The following MEGF11 variants were observed in gnomAD, a reference collection of about 807,000 sequenced individuals.
MEGF11 encodes multiple epidermal growth factor-like domains protein 11.
MEGF11 carries 126 observed loss-of-function variants against 146.6 expected under a neutral mutation model. That is an observed-to-expected ratio of 0.86 (90% CI 0.74 to 1.00). MEGF11 has a LOEUF of 1.00. MEGF11 is among the 50% of genes least tolerant of loss of function. MEGF11 has a pLI of 0.00. For synonymous variants in MEGF11, 532 were observed against 583.4 expected, an observed-to-expected ratio of 0.91 and a Z score of 1.27; for missense variants, 1,509 against 1,521.2, an observed-to-expected ratio of 0.99 and a Z score of 0.13.
At chr15:66,150,947 C>T (rs1490714154) in intron 1 of MEGF11, among the ~76,000 whole-genome samples, 1 of 152,042 alleles carries the variant, frequency 6.6e-6, no homozygotes, top group Admixed American at 6.5e-5. Flanking sequence ...CATCCCATCC[C>T]CTTGCCACCA....
At chr15:65,962,434 G>GGC (rs995905634) in intron 9 of MEGF11, among the ~76,000 whole-genome samples, 1 of 152,116 alleles carries the variant, frequency 6.6e-6, no homozygotes, top group Admixed American at 6.5e-5. Flanking sequence ...AGTGGGTAGA[G>GGC]GCCAGGGATG....
intron 5 of MEGF11, among the ~76,000 whole-genome samples, chr15:66,054,285 G>A (rs1224130922): frequency 2.0e-5 from 3 of 152,182 alleles, no homozygotes; most frequent in African/African-American, 7.2e-5. Context: ...ACACAAAAGC[G>A]ATCAGGTCCC....
At chr15:65,958,787 C>T (rs1377897399) in intron 9 of MEGF11, among the ~76,000 whole-genome samples, 2 of 152,214 alleles carry the variant, frequency 1.3e-5, no homozygotes, top group South Asian at 2.1e-4. Context: ...AGATGCTTCC[C>T]CTAGTAAACC....
rs199704077 is a variant in MEGF11 at position 66,042,107 on chromosome 15, C to CT, written c.394+52294dup. ...AGACAGAATGCACAGATTTCTTTCC[C>CT]TTTTTTTTTTTTTTTTTTCCTGAGA... On this transcript the variant is annotated intron_variant, in intron 5 of 25. Coordinates refer to ENST00000395614, the MANE Select transcript of MEGF11 (RefSeq NM_001385028.1). 8.6e-4 allele frequency among the ~76,000 whole-genome samples: 123 copies of CT among 143,144 alleles called. 2 individuals are homozygous for CT. The highest frequency in any genetic ancestry group is 3.1e-3 in the African/African-American group (121 of 38,500). The allele number at this position is 143,144 out of a possible 152,430, so 93.9% of individuals were successfully genotyped here.
At chr15:66,149,743 G>A (rs777294268) in intron 1 of MEGF11, among the ~76,000 whole-genome samples, 6 of 152,058 alleles carry the variant, frequency 3.9e-5, no homozygotes, top group Admixed American at 6.5e-5. Context: ...AAATACAGCC[G>A]ATTAAGAAAC....
At chr15:66,073,840 G>A (rs1467922929) in intron 5 of MEGF11, among the ~76,000 whole-genome samples, 1 of 152,172 alleles carries the variant, frequency 6.6e-6, no homozygotes, top group Non-Finnish European at 1.5e-5. Context: ...AATATTTGTT[G>A]AACTACATTA....
chr15:66,057,461 T>C (rs521504), intron 5 of MEGF11, among the ~76,000 whole-genome samples: 123,486 of 152,102 alleles, frequency 0.81, 53,383 homozygotes, highest in Non-Finnish European at 0.95. Flanking sequence ...CAGCATCCCG[T>C]AGGATACCTT....
At chr15:65,971,670 T>G (rs2081301404) in intron 7 of MEGF11, among the ~76,000 whole-genome samples, 1 of 152,112 alleles carries the variant, frequency 6.6e-6, no homozygotes, top group Admixed American at 6.6e-5. Flanking sequence ...CCTAAAGATA[T>G]TGATAGTTGA....
intron 1 of MEGF11, among the ~76,000 whole-genome samples, chr15:66,152,854 G>A (rs571760268): frequency 3.3e-5 from 5 of 152,218 alleles, no homozygotes; most frequent in African/African-American, 4.8e-5. Flanking sequence ...CCCCAGGACC[G>A]GGCATGGGAG....
intron 7 of MEGF11, among the ~76,000 whole-genome samples, chr15:65,973,586 T>G (rs2081362212): frequency 6.6e-6 from 1 of 152,004 alleles, no homozygotes; most frequent in Non-Finnish European, 1.5e-5. Flanking sequence ...TGCCTGTGAA[T>G]AGCCACTGCC....
At chr15:66,236,759 C>G (rs536745225) in intron 1 of MEGF11, among the ~76,000 whole-genome samples, 46 of 152,126 alleles carry the variant, frequency 3.0e-4, no homozygotes, top group Non-Finnish European at 5.7e-4. Context: ...CACCTCCTGC[C>G]CCTGCTCAGC....
intron 4 of MEGF11, among the ~76,000 whole-genome samples, chr15:66,095,872 C>T (rs1276337084): frequency 6.6e-6 from 1 of 152,226 alleles, no homozygotes; most frequent in Non-Finnish European, 1.5e-5. Context: ...TCGCTTGCAG[C>T]CCTGAGAAGC....
intron 10 of MEGF11, among the ~76,000 whole-genome samples, chr15:65,932,869 TTGTC>T (rs1405467043): frequency 1.3e-5 from 2 of 152,084 alleles, no homozygotes; most frequent in South Asian, 2.1e-4. Flanking sequence ...GATAATAAAT[TTGTC>T]TGGGCTGGGA....
chr15:65,944,328 G>C (rs1299576067), intron 10 of MEGF11, among the ~76,000 whole-genome samples: 1 of 152,224 alleles, frequency 6.6e-6, no homozygotes, highest in Non-Finnish European at 1.5e-5. Context: ...GCTTTATAAG[G>C]AGGTGGCAAC....
chr15:66,138,184 T>A (rs948014694), intron 1 of MEGF11, among the ~76,000 whole-genome samples: 1 of 152,120 alleles, frequency 6.6e-6, no homozygotes, highest in African/African-American at 2.4e-5. Context: ...CTCTGCTCCT[T>A]AGGGCACATT....
chr15:66,079,582 T>C (rs777496371), intron 5 of MEGF11, among the ~76,000 whole-genome samples: 12 of 127,620 alleles, frequency 9.4e-5, no homozygotes, highest in Non-Finnish European at 1.9e-4. Context: ...CTTAATCCCC[T>C]GTACAGCCAG....
At chr15:65,980,959 G>A in intron 6 of MEGF11, 61 bp from the exon 7 acceptor site, 1 of 1,475,692 alleles carries the variant, frequency 6.8e-7, no homozygotes, top group Non-Finnish European at 9.0e-7. Flanking sequence ...CAGGGCCCCA[G>A]TGCTCCAGGG....
Position 65,897,270 on chromosome 15 carries a change from C to CGTGT in MEGF11, c.*660_*663dup, listed in dbSNP as rs1300606637. On this transcript the variant is annotated 3_prime_UTR_variant, in exon 26 of 26. Coordinates refer to ENST00000395614, the MANE Select transcript of MEGF11 (RefSeq NM_001385028.1). Reference sequence around the variant, plus strand: ...AAGAGACACTGCTGCACTTTGGAAACGTGTGTGTGTGTCTCTGTGTGTTTA... The same window carrying CGTGT: ...AAGAGACACTGCTGCACTTTGGAAACGTGTGTGTGTGTGTGTCTCTGTGTGTTTA... The CGTGT allele has an allele frequency of 6.6e-6, 1 of 152,134 alleles. No individual in the cohort carries two copies. The highest frequency in any genetic ancestry group is 1.5e-5 in the Non-Finnish European group (1 of 68,024). The allele number at this position is 152,134 out of a possible 1,614,324, so 9.4% of individuals were successfully genotyped here. A position where few individuals can be genotyped will look rare whatever the true frequency, so the allele number is the denominator to read the frequency against.
Position 65,982,185 on chromosome 15 carries a change from C to A in MEGF11, c.641+57G>T. On this transcript the variant is annotated intron_variant, in intron 6 of 25. Coordinates refer to ENST00000395614, the MANE Select transcript of MEGF11 (RefSeq NM_001385028.1). The surrounding 1 kb of genome is among the most constrained non-coding windows in gnomAD (Gnocchi z 5.6). ...CTCCTCTACCCTCCCCACCCAGGCACCCTCCAGGTCCCGCCCCTCCAGGTC... is the reference window on the plus strand; with the variant it reads ...CTCCTCTACCCTCCCCACCCAGGCAACCTCCAGGTCCCGCCCCTCCAGGTC... 6.7e-7 allele frequency: 1 copy of A among 1,494,722 alleles called. No homozygotes were observed. Among genetic ancestry groups the A allele is most frequent in the Non-Finnish European group, 8.9e-7 (1 of 1,128,038 alleles). 92.6% of individuals were successfully genotyped at this position (1,494,722 alleles called of 1,614,324 possible).
Sources: allele counts gnomAD v4.1 joint callset (sites outside exome capture counted in the v4.1 genomes callset), GRCh38; gene constraint gnomAD v4.1.1; non-coding constraint Gnocchi (gnomAD v3.1); transcripts MANE v1.5; gene names NCBI Gene and HGNC (gene_info 2026-07-23, HGNC 2026-07-21).